Variants in LINGO2 observed in about 807,000 individuals in gnomAD.
LINGO2 encodes the protein leucine rich repeat and Ig domain containing 2, also known as leucine-rich repeat and immunoglobulin-like domain-containing nogo receptor-interacting protein 2.
Under a neutral mutation model 30.6 loss-of-function variants are expected in LINGO2, and 14 were observed. The observed-to-expected ratio is 0.46, with a 90% confidence interval of 0.30 to 0.72. The LOEUF (loss-of-function observed/expected upper bound fraction) is 0.72. LINGO2 is among the 30% of genes least tolerant of loss of function. The pLI is 0.07. For missense variants in LINGO2, 729 were observed against 751.7 expected (o/e 0.97, Z 0.35); for synonymous variants, 317 against 288.5 (o/e 1.10, Z -1.00).
intron 4 of LINGO2, among the ~76,000 whole-genome samples, chr9:28,107,187 A>T (rs1826621064): frequency 6.6e-6 from 1 of 152,152 alleles, no homozygotes; most frequent in Admixed American, 6.6e-5. Flanking sequence ...GTATGTCTTT[A>T]GATTTATTTT....
chr9:28,926,654 T>C, the LINGO2 span, among the ~76,000 whole-genome samples: 863 of 152,304 alleles, frequency 5.7e-3, 13 homozygotes, highest in African/African-American at 0.019. Context: ...TTTTTTAATA[T>C]GGTTAACGTC....
intron 3 of LINGO2, among the ~76,000 whole-genome samples, chr9:28,349,802 C>T (rs1050531079): frequency 1.8e-4 from 27 of 151,810 alleles, no homozygotes; most frequent in South Asian, 2.1e-4. Flanking sequence ...GCGGATCTCT[C>T]GGCAGAAACC....
chr9:28,557,827 T>C (rs1247391407), intron 1 of LINGO2, among the ~76,000 whole-genome samples: 1 of 151,604 alleles, frequency 6.6e-6, no homozygotes, highest in Non-Finnish European at 1.5e-5. Flanking sequence ...TAAAAAATAA[T>C]GAGTTCATGT....
chr9:28,632,530 A>G (rs1261236738), intron 1 of LINGO2, among the ~76,000 whole-genome samples: 1 of 148,702 alleles, frequency 6.7e-6, no homozygotes, highest in African/African-American at 2.5e-5. Flanking sequence ...TCGATATATA[A>G]TATATAACAT....
chr9:28,093,334 C>A (rs931775740), intron 4 of LINGO2, among the ~76,000 whole-genome samples: 5 of 152,016 alleles, frequency 3.3e-5, no homozygotes, highest in Non-Finnish European at 7.4e-5. Flanking sequence ...CAATCTCTGA[C>A]AAGGAGCAAA....
chr9:28,601,087 A>C (rs1055242624), intron 1 of LINGO2, among the ~76,000 whole-genome samples: 1 of 152,148 alleles, frequency 6.6e-6, no homozygotes, highest in African/African-American at 2.4e-5. Context: ...TCTCCGTGAC[A>C]CACCTAGCAA....
intron 1 of LINGO2, among the ~76,000 whole-genome samples, chr9:28,580,666 A>G (rs1042965854): frequency 5.9e-5 from 9 of 152,094 alleles, no homozygotes; most frequent in African/African-American, 2.2e-4. Context: ...ACTGAGACGC[A>G]CAGCATGGTT....
At chr9:28,557,247 T>C (rs1432841831) in intron 1 of LINGO2, among the ~76,000 whole-genome samples, 1 of 152,034 alleles carries the variant, frequency 6.6e-6, no homozygotes, top group African/African-American at 2.4e-5. Context: ...AACCTACTCA[T>C]CTGACAAAGG....
At chr9:28,514,398 A>T (rs1324470952) in intron 1 of LINGO2, among the ~76,000 whole-genome samples, 1 of 152,204 alleles carries the variant, frequency 6.6e-6, no homozygotes, top group East Asian at 1.9e-4. Flanking sequence ...CCAGTTAGAT[A>T]AGTTGTGAAT....
intron 1 of LINGO2, among the ~76,000 whole-genome samples, chr9:28,551,271 T>A (rs1822264979): frequency 6.6e-6 from 1 of 151,892 alleles, no homozygotes; most frequent in Admixed American, 6.6e-5. Context: ...CACAGAAAAC[T>A]AGGCAAATAA....
intron 1 of LINGO2, among the ~76,000 whole-genome samples, chr9:28,609,035 A>G (rs1212521383): frequency 2.0e-5 from 3 of 152,018 alleles, no homozygotes; most frequent in Non-Finnish European, 2.9e-5. Context: ...TCAAAATTCA[A>G]TACAATCAGA....
intron 1 of LINGO2, chr9:28,598,955 A>C (rs1825338663): frequency 6.6e-6 from 1 of 152,166 alleles, no homozygotes; most frequent in African/African-American, 2.4e-5. Flanking sequence ...AACTTCATGG[A>C]TAGCATGTCA....
At chr9:28,495,136 G>A (rs2135285175) in intron 1 of LINGO2, among the ~76,000 whole-genome samples, 1 of 152,218 alleles carries the variant, frequency 6.6e-6, no homozygotes, top group South Asian at 2.1e-4. Flanking sequence ...CAGATGAGTA[G>A]ATTGCAAAAT....
At chr9:28,978,052 G>T in the LINGO2 span, among the ~76,000 whole-genome samples, 1 of 152,132 alleles carries the variant, frequency 6.6e-6, no homozygotes, top group African/African-American at 2.4e-5. Flanking sequence ...CATCATTAAA[G>T]AAAAGTTATA....
At chr9:28,570,297 T>A (rs1823619683) in intron 1 of LINGO2, among the ~76,000 whole-genome samples, 1 of 151,992 alleles carries the variant, frequency 6.6e-6, no homozygotes, top group African/African-American at 2.4e-5. Context: ...TGAAAGTTTG[T>A]CTATATGACA....
At chr9:27,945,080 C>T (rs1823312139), downstream of LINGO2, among the ~76,000 whole-genome samples, 1 of 152,086 alleles carries the variant, frequency 6.6e-6, no homozygotes, top group Admixed American at 6.6e-5. Flanking sequence ...TTCCTAGAAA[C>T]CCTCAAGACA....
At chr9:28,679,946 T>A in the LINGO2 span, among the ~76,000 whole-genome samples, 1 of 151,946 alleles carries the variant, frequency 6.6e-6, no homozygotes, top group Non-Finnish European at 1.5e-5. Flanking sequence ...ACCGTTTTTT[T>A]TTGTGGTGAA....
intron 4 of LINGO2, among the ~76,000 whole-genome samples, chr9:28,266,764 A>G (rs1045579851): frequency 1.1e-4 from 17 of 152,022 alleles, no homozygotes; most frequent in Non-Finnish European, 2.1e-4. Flanking sequence ...GACTTAGGTA[A>G]GAATGTTTGT....
chr9:28,480,800 A>T (rs188084845), intron 1 of LINGO2, among the ~76,000 whole-genome samples: 130 of 152,124 alleles, frequency 8.5e-4, no homozygotes, highest in African/African-American at 3.0e-3. Context: ...TTAGGCCCTG[A>T]TTCCCTTCTA....
Sources: gnomAD v4.1 joint callset for allele counts (sites outside exome capture counted in the v4.1 genomes callset) on GRCh38, gnomAD v4.1.1 for gene constraint, MANE v1.5 for transcripts, NCBI Gene and HGNC (gene_info 2026-07-23, HGNC 2026-07-21) for gene names.